Variants in LHFPL2 observed in about 807,000 individuals in gnomAD.
LHFPL2 encodes LHFPL tetraspan subfamily member 2 protein.
Under a neutral mutation model 17.5 loss-of-function variants are expected in LHFPL2, and 7 were observed. The observed-to-expected ratio is 0.40, with a 90% CI of 0.23 to 0.75. LHFPL2 has a LOEUF of 0.75. Among genes scored for constraint, LHFPL2 ranks in the 30% least tolerant of loss-of-function variants. The pLI is 0.37. For synonymous variants in LHFPL2, 134 were observed against 116.2 expected, an observed-to-expected ratio of 1.15 and a Z score of -0.99; for missense variants, 241 against 294.8, an observed-to-expected ratio of 0.82 and a Z score of 1.34.
intron 3 of LHFPL2, among the ~76,000 whole-genome samples, chr5:78,552,615 C>A (rs1756476671): frequency 1.3e-5 from 2 of 152,216 alleles, no homozygotes; most frequent in Admixed American, 1.3e-4. Context: ...GCTCCTCTGG[C>A]ACGGCCAAAG....
chr5:78,594,009 C>T (rs1198021973), intron 2 of LHFPL2, among the ~76,000 whole-genome samples: 2 of 152,172 alleles, frequency 1.3e-5, no homozygotes, highest in Admixed American at 1.3e-4. Context: ...TCCAATAACT[C>T]GTAGATAGGA....
chr5:78,572,023 T>A (rs1757011703), intron 2 of LHFPL2, among the ~76,000 whole-genome samples: 1 of 152,184 alleles, frequency 6.6e-6, no homozygotes, highest in African/African-American at 2.4e-5. Flanking sequence ...GGGCAGATGA[T>A]AATGTCTTGA....
At position 78,485,938 on chromosome 5, in the gene LHFPL2, T is replaced by C. The variant is rs1026339782; in HGVS notation, c.*2959A>G. ...AAATTATGGGTTACTGAATAAGCCA[T>C]GAAGGCAAAAATGTGGAACTCTCCT... On this transcript the variant is annotated 3_prime_UTR_variant, in exon 5 of 5. Transcript: ENST00000380345. The C allele has an allele frequency of 8.1e-6, 1 of 123,214 alleles. No individual in the cohort carries two copies. Among genetic ancestry groups the C allele is most frequent in the Non-Finnish European group, 1.7e-5 (1 of 60,028 alleles). 7.6% of individuals were successfully genotyped at this position (123,214 alleles called of 1,614,324 possible).
intron 2 of LHFPL2, among the ~76,000 whole-genome samples, chr5:78,627,109 T>C (rs1745071721): frequency 6.6e-6 from 1 of 151,324 alleles, no homozygotes; most frequent in South Asian, 2.1e-4. Context: ...AAAAAACAAA[T>C]ATAGTAAGCA....
chr5:78,546,662 T>A (rs762368103), intron 3 of LHFPL2, among the ~76,000 whole-genome samples: 1 of 152,238 alleles, frequency 6.6e-6, no homozygotes, highest in Admixed American at 6.5e-5. Flanking sequence ...CCTGCACATA[T>A]GACTAGAACT....
At chr5:78,610,053 C>T (rs1222716382) in intron 2 of LHFPL2, among the ~76,000 whole-genome samples, 4 of 152,104 alleles carry the variant, frequency 2.6e-5, no homozygotes, top group African/African-American at 7.2e-5. Context: ...ACCTAGCCTG[C>T]CAGGGGACTA....
rs993609824 is a variant in LHFPL2 at position 78,486,107 on chromosome 5, C to G, written c.*2790G>C. ...ATATACATATATATTTTTAAATATG[C>G]TACACATAAAAAAAGACTATGGCAC... On this transcript the variant is annotated 3_prime_UTR_variant, in exon 5 of 5. Transcript: ENST00000380345. The G allele has an allele frequency of 3.3e-5, 5 of 152,488 alleles. No individual in the cohort carries two copies. The highest frequency in any genetic ancestry group is 7.4e-5 in the Non-Finnish European group (5 of 68,022). 9.4% of individuals were successfully genotyped at this position (152,488 alleles called of 1,614,324 possible). A position where few individuals can be genotyped will look rare whatever the true frequency, so the allele number is the denominator to read the frequency against.
intron 2 of LHFPL2, among the ~76,000 whole-genome samples, chr5:78,619,069 A>G (rs1744732564): frequency 6.6e-6 from 1 of 152,148 alleles, no homozygotes; most frequent in Non-Finnish European, 1.5e-5. Context: ...TCTGTCACCC[A>G]GGTTGGAGTG....
chr5:78,572,150 C>T (rs991855183), intron 2 of LHFPL2, among the ~76,000 whole-genome samples: 2 of 152,078 alleles, frequency 1.3e-5, no homozygotes, highest in African/African-American at 4.8e-5. Flanking sequence ...TCCAGTAGCA[C>T]AGGCAATATA....
chr5:78,597,319 C>A (rs761697383), intron 2 of LHFPL2, among the ~76,000 whole-genome samples: 13 of 152,208 alleles, frequency 8.5e-5, no homozygotes, highest in Non-Finnish European at 8.8e-5. Context: ...TAAGTCTCTT[C>A]CAGTTTTTTT....
At chr5:78,645,352 G>T (rs1225517032) in intron 1 of LHFPL2, among the ~76,000 whole-genome samples, 1 of 151,844 alleles carries the variant, frequency 6.6e-6, no homozygotes, top group Non-Finnish European at 1.5e-5. Context: ...CAAGGGAGTG[G>T]CTCCCTAGGT....
chr5:78,564,120 G>A (rs577257735), intron 3 of LHFPL2, among the ~76,000 whole-genome samples: 2 of 152,190 alleles, frequency 1.3e-5, no homozygotes, highest in South Asian at 2.1e-4. Flanking sequence ...GGGCTGAGCC[G>A]AACCTCCAGT....
At chr5:78,555,803 G>C (rs1432529359) in intron 3 of LHFPL2, among the ~76,000 whole-genome samples, 1 of 152,208 alleles carries the variant, frequency 6.6e-6, no homozygotes, top group African/African-American at 2.4e-5. Flanking sequence ...AGGGAGAAAA[G>C]GGGACCAAAG....
rs1015878784 is a variant in LHFPL2, at chr5:78,582,931, G to A, written c.-244-18060C>T. 9.3e-4 allele frequency among the ~76,000 whole-genome samples: 142 copies of A among 152,298 alleles called. 1 individual carries two copies. Among genetic ancestry groups the A allele is most frequent in the Middle Eastern group, 6.8e-3 (2 of 294 alleles). On this transcript the variant is annotated intron_variant, in intron 2 of 4. Coordinates refer to ENST00000380345, the MANE Select transcript of LHFPL2 (RefSeq NM_005779.3). ...AATGTGTGGGAGTCTAAGTGTCTTT[G>A]TAGGTCACTCAGGACTTGCTTTATG...
At chr5:78,595,193 G>C (rs755634862) in intron 2 of LHFPL2, among the ~76,000 whole-genome samples, 5 of 152,222 alleles carry the variant, frequency 3.3e-5, no homozygotes, top group Non-Finnish European at 7.3e-5. Context: ...CCCGCCTCCA[G>C]TCAGGACGTG....
rs1034403654 is a variant in LHFPL2, at chr5:78,510,376, C to T, written c.-163G>A. On this transcript the variant is annotated 5_prime_UTR_variant, in exon 4 of 5. Coordinates refer to ENST00000380345, the MANE Select transcript of LHFPL2 (RefSeq NM_005779.3). ...ATGCTGGGGACAGCGCTCCCGGACC[C>T]AGAGCACCGCCTGCGGCCTCACCTA... 2.6e-5 allele frequency: 18 copies of T among 702,738 alleles called. No individual in the cohort carries two copies. Among genetic ancestry groups the T allele is most frequent in the Non-Finnish European group, 3.9e-5 (17 of 433,916 alleles). The allele number at this position is 702,738 out of a possible 1,614,324, so 43.5% of individuals were successfully genotyped here.
intron 2 of LHFPL2, among the ~76,000 whole-genome samples, chr5:78,580,266 T>C (rs1189377833): frequency 1.3e-5 from 2 of 152,342 alleles, no homozygotes; most frequent in Non-Finnish European, 2.9e-5. Flanking sequence ...GATGAGTAGG[T>C]TGCAAAAATT....
chr5:78,572,460 GTATATACATGTGTA>G (rs1418097086), intron 2 of LHFPL2, among the ~76,000 whole-genome samples: 40 of 140,904 alleles, frequency 2.8e-4, no homozygotes, highest in African/African-American at 1.2e-3. Context: ...ATATGTATGT[GTATATACATGTGTA>G]TATATATGTG....
Position 78,568,641 on chromosome 5 carries a change from G to C in LHFPL2, c.-244-3770C>G, listed in dbSNP as rs565215222. ...GGTGAATTTCAGCTGAATGAAGAAA[G>C]AACTGTGTAATAAACAGAGTTGACC... On this transcript the variant is annotated intron_variant, in intron 2 of 4. Coordinates refer to ENST00000380345, the MANE Select transcript of LHFPL2 (RefSeq NM_005779.3). Among the ~76,000 whole-genome samples the C allele has an allele frequency of 2.0e-5, 3 of 152,274 alleles. No individual in the cohort carries two copies. The South Asian group carries it at 6.2e-4, about 32-fold the overall frequency.
Sources: allele counts gnomAD v4.1 joint callset (sites outside exome capture counted in the v4.1 genomes callset), GRCh38; gene constraint gnomAD v4.1.1; transcripts MANE v1.5; gene names NCBI Gene and HGNC (gene_info 2026-07-23, HGNC 2026-07-21).